The following FAT3 variants were observed in gnomAD, a reference collection of about 807,000 sequenced individuals.
FAT3 encodes protocadherin Fat 3.
FAT3 carries 95 observed loss-of-function variants against 310.2 expected under a neutral mutation model. The ratio of observed to expected loss-of-function variants is 0.31; its 90% CI spans 0.26 to 0.36. FAT3 has a LOEUF of 0.36. FAT3 is among the 10% of genes least tolerant of loss of function. The pLI is 1.00. For synonymous variants in FAT3, 2,314 were observed against 2,192.9 expected, an observed-to-expected ratio of 1.06 and a Z score of -1.54; for missense variants, 5,408 against 5,715.6, an observed-to-expected ratio of 0.95 and a Z score of 1.74.
chr11:92,799,701 C>T lies in FAT3; in HGVS notation c.6688C>T (p.Gln2230Ter), dbSNP rs752858388. The change falls in exon 10 of 28, where the codon CAG (glutamine) becomes TAG (stop). Residue 2230 changes from glutamine to a stop codon, truncating the protein, a stop_gained. Transcript: ENST00000525166. LOFTEE classifies it high-confidence loss of function. ...CATTATCGATGGGGACCCTTTTAAA[C>T]AGTTTAACATTGACTTTGACACTGG... ...YIIIDGDPFK[Q>*]FNIDFDTGVL... is the part of the protein sequence containing the mutation. 6.2e-7 allele frequency: 1 copy of T among 1,613,266 alleles called. No individual in the cohort carries two copies. The highest frequency in any genetic ancestry group is 8.5e-7 in the Non-Finnish European group (1 of 1,179,608).
chr11:92,750,545 C>A (rs1251059495), intron 4 of FAT3, among the ~76,000 whole-genome samples: 1 of 152,074 alleles, frequency 6.6e-6, no homozygotes, highest in Admixed American at 6.6e-5. Context: ...CAACAGAAAG[C>A]AGATCAGTCA....
chr11:92,396,499 C>T (rs1038280069), intron 2 of FAT3, among the ~76,000 whole-genome samples: 5 of 152,012 alleles, frequency 3.3e-5, no homozygotes, highest in Admixed American at 2.6e-4. Context: ...TGGTTTATTG[C>T]CAGTAGGAAT....
chr11:92,652,992 G>A lies in FAT3; in HGVS notation c.3608-44392G>A, dbSNP rs138771274. 3.3e-3 allele frequency among the ~76,000 whole-genome samples: 507 copies of A among 152,154 alleles called. 4 individuals are homozygous for A. The highest frequency in any genetic ancestry group is 0.011 in the African/African-American group (474 of 41,522). The stretch of plus-strand genomic sequence containing the variant: ...AGACTGGCCAACATGGTGAAACCCC[G>A]TCTCTACTATACACAAATTAGCTGG... On this transcript the variant is annotated intron_variant, in intron 3 of 27. Transcript: ENST00000525166.
chr11:92,290,297 TG>T (rs1668838628), intron 1 of FAT3, among the ~76,000 whole-genome samples: 2 of 152,152 alleles, frequency 1.3e-5, no homozygotes, highest in African/African-American at 4.8e-5. Flanking sequence ...TATAGCCCCT[TG>T]GGGGCAAAGA....
intron 4 of FAT3, among the ~76,000 whole-genome samples, chr11:92,713,419 C>A (rs1944585191): frequency 6.6e-6 from 1 of 152,204 alleles, no homozygotes; most frequent in African/African-American, 2.4e-5. Flanking sequence ...AACCCATTTT[C>A]TCTAAAGTGC....
At chr11:92,564,677 A>C (rs1420447988) in intron 3 of FAT3, among the ~76,000 whole-genome samples, 1 of 152,166 alleles carries the variant, frequency 6.6e-6, no homozygotes, top group Non-Finnish European at 1.5e-5. Context: ...AGAAGTTATA[A>C]CAAACTATCT....
At chr11:92,558,485 T>A (rs182616595) in intron 3 of FAT3, among the ~76,000 whole-genome samples, 11 of 151,970 alleles carry the variant, frequency 7.2e-5, no homozygotes, top group Non-Finnish European at 1.5e-4. Context: ...TGATGGTTAT[T>A]TCTAGTAGGA....
intron 2 of FAT3, among the ~76,000 whole-genome samples, chr11:92,475,864 C>T (rs1050522106): frequency 1.3e-5 from 2 of 151,974 alleles, no homozygotes; most frequent in South Asian, 4.2e-4. Flanking sequence ...GAGTCACTTC[C>T]ATACAAATCC....
At chr11:92,556,486 C>G (rs1955022869) in intron 3 of FAT3, among the ~76,000 whole-genome samples, 1 of 152,270 alleles carries the variant, frequency 6.6e-6, no homozygotes, top group South Asian at 2.1e-4. Flanking sequence ...ACTGAATTCT[C>G]ATAATCCTTT....
At chr11:92,456,481 A>G (rs1951495050) in intron 2 of FAT3, among the ~76,000 whole-genome samples, 1 of 152,128 alleles carries the variant, frequency 6.6e-6, no homozygotes, top group Non-Finnish European at 1.5e-5. Flanking sequence ...ATCACGCAAA[A>G]CAGCACCACA....
chr11:92,486,099 T>C (rs1264838352), intron 2 of FAT3, among the ~76,000 whole-genome samples: 1 of 142,704 alleles, frequency 7.0e-6, no homozygotes, highest in Admixed American at 7.3e-5. Flanking sequence ...CTCTAAGGAC[T>C]CATATGTGAA....
chr11:92,306,705 A>T (rs1947138801), intron 1 of FAT3, among the ~76,000 whole-genome samples: 1 of 123,972 alleles, frequency 8.1e-6, no homozygotes, highest in African/African-American at 3.0e-5. Context: ...GAGGCTCATA[A>T]ATATATATAT....
chr11:92,726,392 T>C (rs1447840370), intron 4 of FAT3, among the ~76,000 whole-genome samples: 2 of 152,176 alleles, frequency 1.3e-5, no homozygotes, highest in African/African-American at 4.8e-5. Flanking sequence ...ATCAAAAATA[T>C]GAATTTGCTG....
intron 3 of FAT3, among the ~76,000 whole-genome samples, chr11:92,620,640 T>C (rs1038847922): frequency 6.6e-6 from 1 of 151,716 alleles, no homozygotes; most frequent in Non-Finnish European, 1.5e-5. Context: ...ACACTTATTC[T>C]TCCATTATTA....
intron 3 of FAT3, among the ~76,000 whole-genome samples, chr11:92,596,525 ATCTC>A (rs1245996157): frequency 2.0e-5 from 3 of 152,160 alleles, no homozygotes; most frequent in African/African-American, 7.2e-5. Context: ...AGAGAGAACT[ATCTC>A]TCTGTTGACC....
At position 92,630,207 on chromosome 11, in the gene FAT3, G is replaced by C. The variant is rs1000546447; in HGVS notation, c.3608-67177G>C. The stretch of plus-strand genomic sequence containing the variant: ...AGATGTGGCTGGCCACTCCCACTTT[G>C]GAATTCCTTGCCCCTTGATGCCTGT... On this transcript the variant is annotated intron_variant, in intron 3 of 27. Transcript: ENST00000525166. Among the ~76,000 whole-genome samples, 4 of 152,204 alleles carry C rather than the reference G, an allele frequency of 2.6e-5. No individual in the cohort carries two copies. In the East Asian group the frequency reaches 5.8e-4, roughly 22 times the overall value.
intron 3 of FAT3, among the ~76,000 whole-genome samples, chr11:92,525,837 T>TA (rs1392602329): frequency 6.6e-6 from 1 of 152,212 alleles, no homozygotes; most frequent in Non-Finnish European, 1.5e-5. Flanking sequence ...AATGAACTAC[T>TA]AATCTAGTTG....
At chr11:92,652,860 T>A (rs1484441390) in intron 3 of FAT3, among the ~76,000 whole-genome samples, 1 of 152,168 alleles carries the variant, frequency 6.6e-6, no homozygotes, top group African/African-American at 2.4e-5. Flanking sequence ...GGGCTCACAC[T>A]CTGTTTAAAA....
chr11:92,590,492 T>G (rs1046056746), intron 3 of FAT3, among the ~76,000 whole-genome samples: 1 of 152,032 alleles, frequency 6.6e-6, no homozygotes, highest in Admixed American at 6.6e-5. Flanking sequence ...TCTGAGAAAT[T>G]ATGTGAAAGG....
Sources: allele counts gnomAD v4.1 joint callset (sites outside exome capture counted in the v4.1 genomes callset), GRCh38; gene constraint gnomAD v4.1.1; transcripts MANE v1.5; gene names NCBI Gene and HGNC (gene_info 2026-07-23, HGNC 2026-07-21).